The following RPSA2 variants were observed in gnomAD, a reference collection of about 807,000 sequenced individuals.
RPSA2 encodes ribosomal protein SA 2, also known as small ribosomal subunit protein uS2B.
the RPSA2 span, among the ~76,000 whole-genome samples, chr19:23,830,654 AT>A: frequency 4.0e-5 from 6 of 151,242 alleles, no homozygotes; most frequent in African/African-American, 1.5e-4. Context: ...AATCTTAAAT[AT>A]TTTTGTTCTT....
At chr19:23,849,046 C>G in the RPSA2 span, among the ~76,000 whole-genome samples, 1 of 152,228 alleles carries the variant, frequency 6.6e-6, no homozygotes, top group African/African-American at 2.4e-5. Flanking sequence ...CAGATTCCTT[C>G]TTGAGCTCGA....
At chr19:23,832,231 G>T in the RPSA2 span, 1 of 444,036 alleles carries the variant, frequency 2.3e-6, no homozygotes, top group South Asian at 1.7e-5. Flanking sequence ...CAAATGTGAA[G>T]AATGTGGCAA....
At chr19:23,832,133 T>C in the RPSA2 span, 142 of 420,032 alleles carry the variant, frequency 3.4e-4, no homozygotes, top group African/African-American at 2.6e-3. Flanking sequence ...GAAGAAAAAC[T>C]TTACAGATGT....
chr19:23,783,770 C>T, the RPSA2 span, among the ~76,000 whole-genome samples: 1 of 152,098 alleles, frequency 6.6e-6, no homozygotes, highest in Non-Finnish European at 1.5e-5. Context: ...CTGCATTCTG[C>T]CCATAGAGAA....
the RPSA2 span, among the ~76,000 whole-genome samples, chr19:23,828,645 TG>T: frequency 2.7e-5 from 4 of 150,810 alleles, no homozygotes; most frequent in African/African-American, 9.8e-5. Context: ...TTAAAAAATT[TG>T]ATAAGACTTC....
the RPSA2 span, chr19:23,832,944 G>T: frequency 6.7e-7 from 1 of 1,500,832 alleles, no homozygotes; most frequent in Non-Finnish European, 9.0e-7. Context: ...CTAAACATAA[G>T]GTAATTCACA....
At chr19:23,766,201 A>G in the RPSA2 span, among the ~76,000 whole-genome samples, 2 of 120,164 alleles carry the variant, frequency 1.7e-5, no homozygotes, top group African/African-American at 3.3e-5. Context: ...TTCCCAGGCT[A>G]GAGTGCAGTG....
the RPSA2 span, chr19:23,833,054 A>G: frequency 3.0e-6 from 4 of 1,346,220 alleles, no homozygotes; most frequent in South Asian, 1.4e-5. Flanking sequence ...AAGAAACCCT[A>G]CAAGTGTGAA....
the RPSA2 span, among the ~76,000 whole-genome samples, chr19:23,815,882 G>T: frequency 6.6e-6 from 1 of 151,824 alleles, no homozygotes; most frequent in Non-Finnish European, 1.5e-5. Context: ...ATAGATTTGT[G>T]GTAAATCAAC....
At chr19:23,863,627 T>C in the RPSA2 span, among the ~76,000 whole-genome samples, 1 of 151,304 alleles carries the variant, frequency 6.6e-6, no homozygotes, top group Non-Finnish European at 1.5e-5. Flanking sequence ...CATGTCATAG[T>C]TTCTGGTGTA....
the RPSA2 span, among the ~76,000 whole-genome samples, chr19:23,837,250 C>T: frequency 1.3e-5 from 2 of 152,002 alleles, no homozygotes; most frequent in South Asian, 4.2e-4. Flanking sequence ...TGTCCTTTCC[C>T]CACTTTATGT....
the RPSA2 span, chr19:23,807,918 T>C: frequency 2.6e-3 from 911 of 352,022 alleles, 4 homozygotes; most frequent in Non-Finnish European, 4.6e-3. Context: ...AGAGGAATGT[T>C]ATGAAAACCT....
the RPSA2 span, among the ~76,000 whole-genome samples, chr19:23,836,525 T>A: frequency 6.6e-6 from 1 of 152,214 alleles, no homozygotes; most frequent in East Asian, 1.9e-4. Flanking sequence ...TTTCTCTGGG[T>A]AGATACCCAG....
At chr19:23,793,945 G>A in the RPSA2 span, among the ~76,000 whole-genome samples, 2 of 151,822 alleles carry the variant, frequency 1.3e-5, no homozygotes, top group East Asian at 1.9e-4. Context: ...TTTTCTTTTC[G>A]TATTTTTTTA....
At chr19:23,871,173 T>C in the RPSA2 span, among the ~76,000 whole-genome samples, 3 of 152,326 alleles carry the variant, frequency 2.0e-5, no homozygotes, top group South Asian at 6.2e-4. Flanking sequence ...CTTTTTTGTC[T>C]TTGTCTTTAT....
At chr19:23,814,628 G>A in the RPSA2 span, among the ~76,000 whole-genome samples, 3 of 152,140 alleles carry the variant, frequency 2.0e-5, no homozygotes, top group African/African-American at 7.2e-5. Context: ...GGATTTTTAT[G>A]AAGATTATAT....
chr19:23,849,521 T>A, the RPSA2 span, among the ~76,000 whole-genome samples: 1 of 152,182 alleles, frequency 6.6e-6, no homozygotes, highest in Non-Finnish European at 1.5e-5. Context: ...AGCCCGGACA[T>A]GGCAATAGCC....
chr19:23,814,036 A>G, the RPSA2 span, among the ~76,000 whole-genome samples: 13 of 151,380 alleles, frequency 8.6e-5, no homozygotes, highest in Admixed American at 3.3e-4. Flanking sequence ...ACATGATGAA[A>G]CCCCATCTCT....
the RPSA2 span, among the ~76,000 whole-genome samples, chr19:23,834,738 T>C: frequency 1.3e-5 from 2 of 152,096 alleles, no homozygotes; most frequent in Non-Finnish European, 2.9e-5. Flanking sequence ...TGAAATGTTA[T>C]TGTGCCACTA....
Sources: allele counts gnomAD v4.1 joint callset (sites outside exome capture counted in the v4.1 genomes callset), GRCh38; gene constraint gnomAD v4.1.1; transcripts MANE v1.5; gene names NCBI Gene and HGNC (gene_info 2026-07-23, HGNC 2026-07-21).